THADA: variants seen among roughly 807,000 people sequenced by gnomAD.
The protein encoded by THADA is tRNA (32-2'-O)-methyltransferase regulator THADA.
Under a neutral mutation model 219.8 loss-of-function variants are expected in THADA, and 213 were observed. The observed-to-expected ratio is 0.97, with a 90% CI of 0.87 to 1.09. The LOEUF is 1.09. Ranked by LOEUF, THADA falls within the 50% of genes least tolerant of loss-of-function variation. The pLI, the probability that THADA is intolerant of heterozygous loss-of-function variation, is 0.00. For synonymous variants in THADA, 1,018 were observed against 828.9 expected, an observed-to-expected ratio of 1.23 and a Z score of -3.92; for missense variants, 2,956 against 2,311.3, an observed-to-expected ratio of 1.28 and a Z score of -5.72.
At chr2:43,457,480 C>T (rs2104916845) in intron 26 of THADA, among the ~76,000 whole-genome samples, 1 of 152,074 alleles carries the variant, frequency 6.6e-6, no homozygotes, top group South Asian at 2.1e-4. Context: ...TAACAGTTTT[C>T]CAAAAACACC....
chr2:43,311,550 C>T (rs2104439027), intron 31 of THADA, among the ~76,000 whole-genome samples: 1 of 152,320 alleles, frequency 6.6e-6, no homozygotes, highest in South Asian at 2.1e-4. Context: ...CAGGTCCCAG[C>T]AAAAACTTGC....
intron 22 of THADA, among the ~76,000 whole-genome samples, chr2:43,509,294 G>A (rs1178135278): frequency 6.6e-6 from 1 of 152,108 alleles, no homozygotes; most frequent in Non-Finnish European, 1.5e-5. Context: ...AATTTATCTG[G>A]GAAGAGGCAT....
chr2:43,398,244 A>AC, intron 28 of THADA, 105 bp from the exon 29 acceptor site: 1 of 1,176,748 alleles, frequency 8.5e-7, no homozygotes. Flanking sequence ...TCCAGGGGTT[A>AC]GGGGGAGACA....
intron 29 of THADA, among the ~76,000 whole-genome samples, chr2:43,373,481 C>T (rs1481171479): frequency 6.8e-6 from 1 of 147,022 alleles, no homozygotes; most frequent in Admixed American, 6.8e-5. Context: ...CAGTTGTTAA[C>T]TTTTTTTTTT....
chr2:43,484,950 A>C (rs1271231330), intron 26 of THADA, among the ~76,000 whole-genome samples: 2 of 151,106 alleles, frequency 1.3e-5, no homozygotes, highest in Admixed American at 6.6e-5. Context: ...TAAAAAAAAA[A>C]AAACAAAAAA....
At chr2:43,448,560 C>CTTTTTTTTT (rs71410179) in intron 26 of THADA, among the ~76,000 whole-genome samples, 1 of 103,614 alleles carries the variant, frequency 9.7e-6, no homozygotes, top group Non-Finnish European at 1.9e-5. Flanking sequence ...TTCTTCCTTT[C>CTTTTTTTTT]TTTTTTTTTT....
chr2:43,528,898 A>G (rs904438269), intron 21 of THADA, among the ~76,000 whole-genome samples: 37 of 152,176 alleles, frequency 2.4e-4, no homozygotes, highest in Non-Finnish European at 3.4e-4. Flanking sequence ...TTGTACAACC[A>G]TCACCATCAT....
intron 29 of THADA, 78 bp downstream of exon 29, chr2:43,397,893 C>T: frequency 6.9e-7 from 1 of 1,456,114 alleles, no homozygotes; most frequent in Non-Finnish European, 9.4e-7. Flanking sequence ...ATCAAATCTT[C>T]ACCAGCTAAC....
chr2:43,528,541 C>T (rs771044342), intron 21 of THADA, among the ~76,000 whole-genome samples: 8 of 152,104 alleles, frequency 5.3e-5, no homozygotes, highest in Non-Finnish European at 7.3e-5. Flanking sequence ...CCAAGAAAGG[C>T]TAAGAAACTT....
intron 29 of THADA, among the ~76,000 whole-genome samples, chr2:43,396,919 T>G (rs1674121840): frequency 6.6e-6 from 1 of 152,182 alleles, no homozygotes; most frequent in Non-Finnish European, 1.5e-5. Context: ...ATAGGTTTAT[T>G]AAAATTAATG....
intron 28 of THADA, among the ~76,000 whole-genome samples, chr2:43,402,924 C>T (rs765771525): frequency 9.9e-5 from 15 of 152,214 alleles, no homozygotes; most frequent in Non-Finnish European, 1.5e-4. Flanking sequence ...CAGGCCTGTG[C>T]CTTTCCCTGT....
intron 36 of THADA, among the ~76,000 whole-genome samples, chr2:43,274,038 T>G (rs1357050222): frequency 6.6e-6 from 1 of 152,130 alleles, no homozygotes; most frequent in Non-Finnish European, 1.5e-5. Context: ...TCGCTCCTAC[T>G]TCCCCTCTTC....
chr2:43,408,090 A>T (rs1040174230), intron 28 of THADA, among the ~76,000 whole-genome samples: 1 of 152,252 alleles, frequency 6.6e-6, no homozygotes, highest in Non-Finnish European at 1.5e-5. Context: ...CTAAAGCTTT[A>T]TTCAATATTA....
At chr2:43,531,194 G>T (rs1219948733) in intron 21 of THADA, among the ~76,000 whole-genome samples, 2 of 152,192 alleles carry the variant, frequency 1.3e-5, no homozygotes. Context: ...AAAAATGAAA[G>T]ATCCTTTTGC....
intron 30 of THADA, among the ~76,000 whole-genome samples, chr2:43,325,176 G>C (rs555308571): frequency 6.6e-6 from 1 of 152,284 alleles, no homozygotes; most frequent in South Asian, 2.1e-4. Context: ...GGCAGGCAGA[G>C]GGCAGGGCTT....
rs530151439 is a variant in THADA at position 43,415,102 on chromosome 2, C to T, written c.4058+12998G>A. Among the ~76,000 whole-genome samples the T allele has an allele frequency of 1.4e-4, 21 of 152,322 alleles. No homozygotes were observed. In the South Asian group the frequency reaches 4.3e-3, roughly 32 times the overall value. On this transcript the variant is annotated intron_variant, in intron 28 of 37. Coordinates refer to ENST00000405975, the MANE Select transcript of THADA (RefSeq NM_022065.5). ...CTCCCCAACGTATTCTATTTATCTT[C>T]CTGTCAAAACCAAAGAAACGTAAAC...
At chr2:43,269,873 C>A (rs1465241786) in intron 36 of THADA, among the ~76,000 whole-genome samples, 2 of 152,168 alleles carry the variant, frequency 1.3e-5, no homozygotes, top group Non-Finnish European at 2.9e-5. Flanking sequence ...GAGACCAAGG[C>A]AGTGGAATCC....
chr2:43,535,168 CTTTTTTTTTTTT>C (rs549879408), intron 21 of THADA, among the ~76,000 whole-genome samples: 2 of 52,540 alleles, frequency 3.8e-5, no homozygotes, highest in East Asian at 6.4e-4. Context: ...ATCATTTGTC[CTTTTTTTTTTTT>C]TTTTTTTTTT....
At chr2:43,488,961 T>A (rs1687258967) in intron 25 of THADA, among the ~76,000 whole-genome samples, 1 of 152,216 alleles carries the variant, frequency 6.6e-6, no homozygotes, top group Admixed American at 6.5e-5. Flanking sequence ...CATCTGCCTA[T>A]CTTTTTTGGA....
Sources: gnomAD v4.1 joint callset for allele counts (sites outside exome capture counted in the v4.1 genomes callset) on GRCh38, gnomAD v4.1.1 for gene constraint, MANE v1.5 for transcripts, NCBI Gene and HGNC (gene_info 2026-07-23, HGNC 2026-07-21) for gene names.